Variants in RERG observed in about 807,000 individuals in gnomAD.
The protein encoded by RERG is ras-related and estrogen-regulated growth inhibitor.
In RERG, 25 loss-of-function variants were observed where a neutral mutation model predicts 23.2. The ratio of observed to expected loss-of-function variants is 1.08; its 90% CI spans 0.79 to 1.50. The LOEUF (loss-of-function observed/expected upper bound fraction) is 1.50, where lower values mean the gene tolerates loss of function less well. Among genes scored for constraint, RERG ranks in the 40% most tolerant of loss-of-function variants. The pLI, the probability that RERG is intolerant of heterozygous loss-of-function variation, is 0.00. For missense variants in RERG, 253 were observed against 250.1 expected, an observed-to-expected ratio of 1.01 and a Z score of -0.08; for synonymous variants, 81 against 89.1, an observed-to-expected ratio of 0.91 and a Z score of 0.51.
At chr12:15,159,156 G>C (rs776996908) in intron 2 of RERG, among the ~76,000 whole-genome samples, 1 of 152,254 alleles carries the variant, frequency 6.6e-6, no homozygotes, top group African/African-American at 2.4e-5. Context: ...TACACTTACT[G>C]TTTATATCAA....
intron 2 of RERG, among the ~76,000 whole-genome samples, chr12:15,197,945 G>A (rs1348787516): frequency 6.6e-6 from 1 of 152,188 alleles, no homozygotes; most frequent in East Asian, 1.9e-4. Context: ...CTTTCCTCCT[G>A]TGTCACCAGC....
intron 2 of RERG, among the ~76,000 whole-genome samples, chr12:15,161,591 C>T (rs537339567): frequency 4.0e-4 from 61 of 152,234 alleles, no homozygotes; most frequent in Non-Finnish European, 6.9e-4. Context: ...TTTTAGAAAA[C>T]GATTTTAGAG....
At chr12:15,209,846 T>C (rs1348476943) in intron 2 of RERG, among the ~76,000 whole-genome samples, 1 of 152,194 alleles carries the variant, frequency 6.6e-6, no homozygotes. Flanking sequence ...CATTGAGTCA[T>C]AGACTGGAAT....
intron 1 of RERG, among the ~76,000 whole-genome samples, chr12:15,218,937 G>A (rs2136152592): frequency 6.6e-6 from 1 of 152,168 alleles, no homozygotes; most frequent in Middle Eastern, 3.4e-3. Context: ...CTGACCCGGT[G>A]TAAATTCCCT....
chr12:15,181,569 C>T (rs1864922913), intron 2 of RERG, among the ~76,000 whole-genome samples: 1 of 152,190 alleles, frequency 6.6e-6, no homozygotes, highest in Non-Finnish European at 1.5e-5. Context: ...TCCTCCATTT[C>T]TCCGTCTGTA....
chr12:15,109,265 C>T lies in RERG; in HGVS notation c.445G>A (p.Ala149Thr), dbSNP rs1208071328. The T allele has an allele frequency of 2.5e-6, 4 of 1,614,164 alleles. No individual in the cohort carries two copies. Among genetic ancestry groups the T allele is most frequent in the Non-Finnish European group, 3.4e-6 (4 of 1,180,014 alleles). Residue 149 changes from alanine (A) to threonine (T), a missense_variant, in exon 5 of 5, where the codon GCC becomes ACC. By Grantham distance (58) the Ala-to-Thr change is moderately conservative. Transcript: ENST00000256953. ...ELACAFYECS[A>T]CTGEGNITEI... ...GTGATGTTCCCTTCTCCAGTGCAGG[C>T]AGAGCACTCGTAAAAAGCACAAGCC...
intron 3 of RERG, among the ~76,000 whole-genome samples, chr12:15,113,771 A>C: frequency 6.6e-6 from 1 of 152,094 alleles, no homozygotes; most frequent in Non-Finnish European, 1.5e-5. Flanking sequence ...AAAATGGAGA[A>C]ACAACATCTT....
At chr12:15,124,924 G>GT (rs1315912832) in intron 2 of RERG, among the ~76,000 whole-genome samples, 1 of 78,926 alleles carries the variant, frequency 1.3e-5, no homozygotes, top group Non-Finnish European at 2.7e-5. Flanking sequence ...AATGCCTTTT[G>GT]AATTTTGTCT....
intron 2 of RERG, among the ~76,000 whole-genome samples, chr12:15,164,638 G>T (rs1349703828): frequency 6.6e-6 from 1 of 152,282 alleles, no homozygotes; most frequent in East Asian, 1.9e-4. Flanking sequence ...CATACCCTGA[G>T]CTGTATAGAC....
chr12:15,145,114 A>G (rs1056740052), intron 2 of RERG, among the ~76,000 whole-genome samples: 6 of 152,226 alleles, frequency 3.9e-5, no homozygotes, highest in Non-Finnish European at 8.8e-5. Context: ...TAACAGACCA[A>G]TGTCTTGGCA....
chr12:15,206,636 A>G (rs1417992000), intron 2 of RERG, among the ~76,000 whole-genome samples: 2 of 152,094 alleles, frequency 1.3e-5, no homozygotes, highest in African/African-American at 2.4e-5. Context: ...ATACATTTTA[A>G]CAAGCTCTGC....
At chr12:15,217,863 A>T (rs12825422) in intron 1 of RERG, 1 of 172,952 alleles carries the variant, frequency 5.8e-6, no homozygotes, top group African/African-American at 2.4e-5. Context: ...TACTTCCTCA[A>T]GAAATTTTCT....
intron 2 of RERG, among the ~76,000 whole-genome samples, chr12:15,210,200 A>T (rs975326289): frequency 1.3e-4 from 20 of 152,210 alleles, no homozygotes; most frequent in Admixed American, 4.6e-4. Context: ...GGGAATTACA[A>T]GGATGATTTA....
intron 2 of RERG, among the ~76,000 whole-genome samples, chr12:15,166,523 ATGGTGGTGG>A (rs148048968): frequency 6.7e-6 from 1 of 148,836 alleles, no homozygotes; most frequent in Non-Finnish European, 1.5e-5. Flanking sequence ...GATGGTGGTG[ATGGTGGTGG>A]TGGTGGTGGT....
chr12:15,112,201 A>T (rs1235442787), intron 3 of RERG, among the ~76,000 whole-genome samples: 1 of 152,234 alleles, frequency 6.6e-6, no homozygotes, highest in Non-Finnish European at 1.5e-5. Context: ...CAGCTCTGGA[A>T]ATGTAAGAGA....
intron 2 of RERG, among the ~76,000 whole-genome samples, chr12:15,135,734 A>G (rs1864134195): frequency 6.6e-6 from 1 of 152,130 alleles, no homozygotes; most frequent in Admixed American, 6.5e-5. Flanking sequence ...CCGGTCTTGC[A>G]TATTTGGAAT....
chr12:15,172,417 G>T (rs1400326804), intron 2 of RERG, among the ~76,000 whole-genome samples: 1 of 151,958 alleles, frequency 6.6e-6, no homozygotes, highest in African/African-American at 2.4e-5. Flanking sequence ...GGGCTATTAT[G>T]AATAATTCTC....
In RERG at chr12:15,121,068, G is replaced by A. The variant is rs1027566163; in HGVS notation, c.113C>T (p.Thr38Ile). 6.2e-7 allele frequency: 1 copy of A among 1,610,476 alleles called. No individual in the cohort carries two copies. The highest frequency in any genetic ancestry group is 1.1e-5 in the South Asian group (1 of 90,898). ...TKRFIWEYDP[T>I]LESTYRHQAT... is the part of the protein sequence containing the mutation. Reference sequence around the variant, plus strand: ...GGAAACAAAATTTGACCTACCGAGGGTGGGATCATATTCCCAGATGAACCG... The same window carrying A: ...GGAAACAAAATTTGACCTACCGAGGATGGGATCATATTCCCAGATGAACCG... Residue 38 changes from threonine to isoleucine, a missense_variant, in exon 3 of 5, where the codon ACC (threonine) becomes ATC (isoleucine). By Grantham distance (89) the Thr-to-Ile change is moderately conservative. Coordinates refer to ENST00000256953, the MANE Select transcript of RERG (RefSeq NM_032918.3).
intron 2 of RERG, among the ~76,000 whole-genome samples, chr12:15,201,683 A>T (rs1425105788): frequency 2.1e-5 from 3 of 142,878 alleles, no homozygotes; most frequent in Non-Finnish European, 1.6e-5. Flanking sequence ...ATTAACAATC[A>T]TAATAATTAG....
Sources: allele counts gnomAD v4.1 joint callset (sites outside exome capture counted in the v4.1 genomes callset), GRCh38; gene constraint gnomAD v4.1.1; transcripts MANE v1.5; gene names NCBI Gene and HGNC (gene_info 2026-07-23, HGNC 2026-07-21).